GRM7: variants seen among roughly 807,000 people sequenced by gnomAD.
The protein encoded by GRM7 is metabotropic glutamate receptor 7.
A neutral mutation model predicts 84.5 loss-of-function variants in GRM7; 35 were observed. That is an observed-to-expected ratio of 0.41 (90% CI 0.32 to 0.55). The LOEUF (loss-of-function observed/expected upper bound fraction) is 0.55. Ranked by LOEUF, GRM7 falls within the 20% of genes least tolerant of loss-of-function variation. The probability of loss-of-function intolerance (pLI) is 0.19; values close to 1 mark genes in which losing one functional copy is unlikely to be tolerated. For missense variants in GRM7, 1,003 were observed against 1,194.6 expected (o/e 0.84, Z 2.36); for synonymous variants, 487 against 455.1 (o/e 1.07, Z -0.89).
chr3:7,738,832 T>C (rs1164567871), intron 9 of GRM7, among the ~76,000 whole-genome samples: 2 of 152,048 alleles, frequency 1.3e-5, no homozygotes, highest in Non-Finnish European at 2.9e-5. Context: ...ATCTTCTAGC[T>C]ATGACACTGA....
chr3:7,516,285 G>A (rs577186498), intron 7 of GRM7, among the ~76,000 whole-genome samples: 31 of 151,200 alleles, frequency 2.1e-4, no homozygotes, highest in Non-Finnish European at 4.1e-4. Context: ...AGACCATCCT[G>A]GCTAACATGG....
At chr3:7,098,271 T>C (rs1007616952) in intron 1 of GRM7, among the ~76,000 whole-genome samples, 2 of 152,054 alleles carry the variant, frequency 1.3e-5, no homozygotes, top group African/African-American at 4.8e-5. Context: ...CAATACACAG[T>C]TATTTGTTGG....
intron 9 of GRM7, chr3:7,686,227 A>G: frequency 1.9e-6 from 1 of 537,448 alleles, no homozygotes; most frequent in South Asian, 3.1e-5. Context: ...TATTGAACCC[A>G]CCAAAAGAGT....
intron 2 of GRM7, among the ~76,000 whole-genome samples, chr3:7,219,413 A>G (rs1575046537): frequency 6.6e-6 from 1 of 152,168 alleles, no homozygotes; most frequent in Non-Finnish European, 1.5e-5. Context: ...TTGACTTTTC[A>G]TACACATTAC....
intron 7 of GRM7, among the ~76,000 whole-genome samples, chr3:7,504,100 A>C (rs548962236): frequency 1.2e-4 from 18 of 152,334 alleles, no homozygotes; most frequent in African/African-American, 4.1e-4. Flanking sequence ...TATGAAAAAA[A>C]GTTGAGACTC....
At chr3:7,398,311 G>T (rs1343622338) in intron 4 of GRM7, among the ~76,000 whole-genome samples, 1 of 152,120 alleles carries the variant, frequency 6.6e-6, no homozygotes, top group Non-Finnish European at 1.5e-5. Flanking sequence ...GAAACGAAAG[G>T]TTTGAAATCA....
chr3:6,883,548 A>G (rs1232807737), intron 1 of GRM7, among the ~76,000 whole-genome samples: 2 of 152,196 alleles, frequency 1.3e-5, no homozygotes, highest in Non-Finnish European at 2.9e-5. Context: ...GAAACTGTAA[A>G]GCCAGATTTT....
chr3:7,680,171 A>C lies in GRM7; in HGVS notation c.2574A>C (p.Lys858Asn), dbSNP rs1174042029. The C allele has an allele frequency of 6.2e-7, 1 of 1,614,052 alleles. No homozygotes were observed. Among genetic ancestry groups the C allele is most frequent in the Non-Finnish European group, 8.5e-7 (1 of 1,180,040 alleles). ...TCCACCCTGAACTCAATGTCCAGAA[A>C]CGGAAGCGAAGCTTCAAGGCGGTAG... ...IIFHPELNVQKRKRSFKAVVT... is the reference protein window; with the variant it reads ...IIFHPELNVQNRKRSFKAVVT... The change falls in exon 9 of 10, where the codon AAA becomes AAC. Residue 858 changes from lysine (K) to asparagine (N), a missense_variant. Lys to Asn is a moderately conservative substitution (Grantham distance 94). Transcript: ENST00000357716.
chr3:7,642,488 C>T (rs890897056), intron 8 of GRM7, among the ~76,000 whole-genome samples: 1 of 152,074 alleles, frequency 6.6e-6, no homozygotes, highest in African/African-American at 2.4e-5. Context: ...TTTCATCATG[C>T]CTTGCCTAGA....
intron 7 of GRM7, among the ~76,000 whole-genome samples, chr3:7,565,376 T>C (rs1275066929): frequency 2.0e-5 from 3 of 152,154 alleles, no homozygotes; most frequent in East Asian, 3.9e-4. Flanking sequence ...GGAAAATAAA[T>C]AGACTTTAAT....
chr3:7,118,801 CTGAA>C (rs1383662423), intron 1 of GRM7, among the ~76,000 whole-genome samples: 1 of 151,972 alleles, frequency 6.6e-6, no homozygotes, highest in Non-Finnish European at 1.5e-5. Context: ...AATCAAAACA[CTGAA>C]TGAGGTTTTA....
At chr3:7,713,031 A>G (rs961153175) in intron 9 of GRM7, among the ~76,000 whole-genome samples, 30 of 151,840 alleles carry the variant, frequency 2.0e-4, no homozygotes, top group African/African-American at 6.8e-4. Flanking sequence ...ACCCTCATCC[A>G]GTATGATTTC....
chr3:6,864,342 A>G (rs1021532656), intron 1 of GRM7, among the ~76,000 whole-genome samples: 4 of 152,200 alleles, frequency 2.6e-5, no homozygotes, highest in Admixed American at 6.5e-5. Flanking sequence ...TGTGTTTCAT[A>G]TACCAACAAT....
chr3:7,181,713 A>T, intron 2 of GRM7, among the ~76,000 whole-genome samples: 1 of 152,100 alleles, frequency 6.6e-6, no homozygotes, highest in East Asian at 1.9e-4. Flanking sequence ...GGCTCAAGTC[A>T]TCCTCTTGTC....
At chr3:7,182,233 TTAAAA>T (rs1186233509) in intron 2 of GRM7, among the ~76,000 whole-genome samples, 5 of 152,170 alleles carry the variant, frequency 3.3e-5, no homozygotes, top group African/African-American at 4.8e-5. Context: ...AAAAAAACTA[TTAAAA>T]TAAAAGAGTA....
rs534383507 is a variant in GRM7, at chr3:7,493,370, A to T, written c.1515+31648A>T. ...GTGTTTTAGTGAATACACATTTAAG[A>T]TCATAATGTTTCTTGGTTGATTGAT... On this transcript the variant is annotated intron_variant, in intron 7 of 9. Transcript: ENST00000357716. Among the ~76,000 whole-genome samples the T allele has an allele frequency of 4.0e-5, 6 of 151,888 alleles. No individual in the cohort carries two copies. In the South Asian group the frequency reaches 1.2e-3, roughly 32 times the overall value.
intron 9 of GRM7, among the ~76,000 whole-genome samples, chr3:7,725,300 A>G (rs1174456965): frequency 3.3e-5 from 5 of 152,158 alleles, no homozygotes; most frequent in Non-Finnish European, 7.4e-5. Context: ...GGGAAAAAAA[A>G]TTCTGGAACA....
intron 1 of GRM7, among the ~76,000 whole-genome samples, chr3:6,992,429 G>A (rs1001898955): frequency 2.6e-5 from 4 of 152,162 alleles, no homozygotes; most frequent in African/African-American, 7.2e-5. Flanking sequence ...AATTGCCTTT[G>A]TGAGCTGATA....
intron 1 of GRM7, among the ~76,000 whole-genome samples, chr3:7,044,761 G>A (rs1696741931): frequency 6.6e-6 from 1 of 152,036 alleles, no homozygotes; most frequent in South Asian, 2.1e-4. Flanking sequence ...ACTGACTGAG[G>A]CTGGGCAATT....
Sources: gnomAD v4.1 joint callset for allele counts (sites outside exome capture counted in the v4.1 genomes callset) on GRCh38, gnomAD v4.1.1 for gene constraint, MANE v1.5 for transcripts, NCBI Gene and HGNC (gene_info 2026-07-23, HGNC 2026-07-21) for gene names.